PCDHA7: variants seen among roughly 807,000 people sequenced by gnomAD.
PCDHA7 encodes protocadherin alpha 7.
PCDHA7 carries 37 observed loss-of-function variants against 57.2 expected under a neutral mutation model. The observed-to-expected ratio is 0.65, with a 90% CI of 0.50 to 0.85. PCDHA7 has a LOEUF of 0.85. Ranked by LOEUF, PCDHA7 falls within the 40% of genes least tolerant of loss-of-function variation. The pLI is 0.00. For missense variants in PCDHA7, 1,188 were observed against 1,241.8 expected, an observed-to-expected ratio of 0.96 and a Z score of 0.65; for synonymous variants, 553 against 558.8, an observed-to-expected ratio of 0.99 and a Z score of 0.15.
intron 1 of PCDHA7, among the ~76,000 whole-genome samples, chr5:140,938,013 A>G (rs1310661606): frequency 6.6e-6 from 1 of 152,220 alleles, no homozygotes; most frequent in Non-Finnish European, 1.5e-5. Flanking sequence ...TTCTTGCTAA[A>G]TAGTAAAATC....
At chr5:140,857,302 G>A in intron 1 of PCDHA7, 1 of 1,598,652 alleles carries the variant, frequency 6.3e-7, no homozygotes, top group South Asian at 1.1e-5. Flanking sequence ...AGAGGGTGTC[G>A]GCCTATGAGC....
intron 1 of PCDHA7, 194 bp downstream of exon 1, chr5:140,836,932 C>G: frequency 4.1e-6 from 2 of 485,222 alleles, no homozygotes; most frequent in Non-Finnish European, 3.5e-6. Context: ...ATGCGTAATA[C>G]TATAGATCAA....
At chr5:140,870,257 C>A in intron 1 of PCDHA7, 2 of 1,614,172 alleles carry the variant, frequency 1.2e-6, no homozygotes, top group African/African-American at 1.3e-5. Flanking sequence ...GGACAGGTGA[C>A]CTGCTCGCTG....
At chr5:140,870,001 G>A (rs782788057) in intron 1 of PCDHA7, 1 of 1,613,566 alleles carries the variant, frequency 6.2e-7, no homozygotes, top group Non-Finnish European at 8.5e-7. Flanking sequence ...AAATAATGGA[G>A]AAGTGAGGGT....
intron 1 of PCDHA7, chr5:140,967,190 AACG>A (rs781897780): frequency 6.2e-7 from 1 of 1,613,418 alleles, no homozygotes; most frequent in Non-Finnish European, 8.5e-7. Context: ...ATTGGACATC[AACG>A]ACAACTCACC....
At chr5:140,869,256 C>T in intron 1 of PCDHA7, 2 of 1,613,586 alleles carry the variant, frequency 1.2e-6, no homozygotes, top group Non-Finnish European at 1.7e-6. Flanking sequence ...TCGCGCAGGA[C>T]CTGGGGCTGG....
chr5:140,883,740 C>G (rs2059789153), intron 1 of PCDHA7: 1 of 1,613,368 alleles, frequency 6.2e-7, no homozygotes, highest in Non-Finnish European at 8.5e-7. Context: ...GCGCTGGTCT[C>G]CTACTCGCTG....
chr5:140,877,511 C>T (rs1582389090), intron 1 of PCDHA7: 2 of 1,613,808 alleles, frequency 1.2e-6, no homozygotes, highest in Non-Finnish European at 1.7e-6. Context: ...AAGACGTCGT[C>T]GCGGGCCTCA....
At chr5:140,957,023 G>C (rs1360382480) in intron 1 of PCDHA7, among the ~76,000 whole-genome samples, 2 of 152,100 alleles carry the variant, frequency 1.3e-5, no homozygotes, top group Non-Finnish European at 2.9e-5. Flanking sequence ...TGAGCATTTA[G>C]ATATTTATGG....
At chr5:140,869,322 C>A (rs1169893950) in intron 1 of PCDHA7, 12 of 1,613,702 alleles carry the variant, frequency 7.4e-6, no homozygotes, top group Non-Finnish European at 1.0e-5. Context: ...CACATGGGGA[C>A]CTTCTGGAGG....
At chr5:140,980,716 G>T (rs1246125435) in intron 2 of PCDHA7, among the ~76,000 whole-genome samples, 1 of 151,830 alleles carries the variant, frequency 6.6e-6, no homozygotes, top group Non-Finnish European at 1.5e-5. Context: ...TCCTATTCGG[G>T]TTTCAATTAA....
rs186232239 is a variant in PCDHA7, at chr5:140,924,849, C to T, written c.2356-54100C>T. On this transcript the variant is annotated intron_variant, in intron 1 of 3. Coordinates refer to ENST00000525929, the MANE Select transcript of PCDHA7 (RefSeq NM_018910.3). ...GGGGGAGGTTGCAGGGAGCTCAGAT[C>T]GTGCCACTGCACTCCAGCCTGGGTG... 8.0e-3 allele frequency among the ~76,000 whole-genome samples: 1,208 copies of T among 150,322 alleles called. 6 individuals are homozygous for T. Among genetic ancestry groups the T allele is most frequent in the African/African-American group, 0.019 (780 of 40,670 alleles).
At chr5:140,916,463 G>A (rs934007072) in intron 1 of PCDHA7, among the ~76,000 whole-genome samples, 2 of 152,212 alleles carry the variant, frequency 1.3e-5, no homozygotes, top group African/African-American at 2.4e-5. Flanking sequence ...TATCACTGCT[G>A]GTTATTTGGT....
chr5:140,898,506 G>A (rs1185053384), intron 1 of PCDHA7, among the ~76,000 whole-genome samples: 2 of 152,132 alleles, frequency 1.3e-5, no homozygotes, highest in Admixed American at 1.3e-4. Context: ...TTGTAGATAT[G>A]CGGCGTTATT....
At chr5:140,877,924 A>T in intron 1 of PCDHA7, 1 of 1,419,290 alleles carries the variant, frequency 7.0e-7, no homozygotes, top group Non-Finnish European at 9.3e-7. Flanking sequence ...ATTTTTCTTT[A>T]TGATTCTATC....
At chr5:140,968,288 C>T (rs782056996) in intron 1 of PCDHA7, 16 of 1,613,976 alleles carry the variant, frequency 9.9e-6, no homozygotes, top group Middle Eastern at 1.6e-4. Context: ...GACCTACTCC[C>T]TTCTGGAGAG....
At chr5:140,866,639 A>G (rs782198143) in intron 1 of PCDHA7, 1 of 152,148 alleles carries the variant, frequency 6.6e-6, no homozygotes, top group Non-Finnish European at 1.5e-5. Flanking sequence ...CAACGGTGTC[A>G]AAATTTATTT....
chr5:140,840,808 C>T (rs1554137908), intron 1 of PCDHA7, among the ~76,000 whole-genome samples: 1 of 151,970 alleles, frequency 6.6e-6, no homozygotes, highest in East Asian at 1.9e-4. Context: ...GTAATATATA[C>T]CAGTGTTTCT....
At chr5:140,856,648 T>C in intron 1 of PCDHA7, 1 of 1,598,290 alleles carries the variant, frequency 6.3e-7, no homozygotes, top group Non-Finnish European at 8.6e-7. Context: ...AGCTGCTGGA[T>C]CGTGAAGAAA....
Sources: gnomAD v4.1 joint callset for allele counts (sites outside exome capture counted in the v4.1 genomes callset) on GRCh38, gnomAD v4.1.1 for gene constraint, MANE v1.5 for transcripts, NCBI Gene and HGNC (gene_info 2026-07-23, HGNC 2026-07-21) for gene names.